The following XKR9 variants were observed in gnomAD, a reference collection of about 807,000 sequenced individuals.
The protein encoded by XKR9 is XK-related protein 9.
A neutral mutation model predicts 32.0 loss-of-function variants in XKR9; 32 were observed. The ratio of observed to expected loss-of-function variants is 1.00; its 90% CI spans 0.76 to 1.34. The LOEUF (loss-of-function observed/expected upper bound fraction) is 1.34. Among genes scored for constraint, XKR9 ranks in the 40% most tolerant of loss-of-function variants. The probability of loss-of-function intolerance (pLI) is 0.00; values close to 1 mark genes in which losing one functional copy is unlikely to be tolerated. For missense variants in XKR9, 546 were observed against 429.7 expected (o/e 1.27, Z -2.39); for synonymous variants, 168 against 143.4 (o/e 1.17, Z -1.22).
At chr8:70,733,025 G>A (rs896620898) in intron 4 of XKR9, among the ~76,000 whole-genome samples, 14 of 152,170 alleles carry the variant, frequency 9.2e-5, no homozygotes, top group African/African-American at 3.4e-4. Context: ...GCTGAGGCAG[G>A]TGAATTGGTT....
the XKR9 span, among the ~76,000 whole-genome samples, chr8:70,835,218 T>G: frequency 3.9e-5 from 6 of 152,208 alleles, no homozygotes; most frequent in African/African-American, 1.2e-4. Flanking sequence ...AAATGACACT[T>G]ATATAGGAAA....
chr8:70,691,899 CT>C (rs1237714819), intron 3 of XKR9, among the ~76,000 whole-genome samples: 1 of 151,952 alleles, frequency 6.6e-6, no homozygotes, highest in Non-Finnish European at 1.5e-5. Flanking sequence ...TATTTGGGCT[CT>C]TTTTTTGGTT....
chr8:70,810,239 C>G, the XKR9 span, among the ~76,000 whole-genome samples: 1 of 152,162 alleles, frequency 6.6e-6, no homozygotes, highest in Non-Finnish European at 1.5e-5. Flanking sequence ...CAAGCAAATG[C>G]TGAGAGATTT....
chr8:70,770,830 G>T (rs1229428660), intron 2 of XKR9, among the ~76,000 whole-genome samples: 1 of 152,200 alleles, frequency 6.6e-6, no homozygotes, highest in Non-Finnish European at 1.5e-5. Flanking sequence ...TCCAGCCTGT[G>T]ATCTTAACTT....
At chr8:70,942,952 C>T in the XKR9 span, among the ~76,000 whole-genome samples, 12 of 152,106 alleles carry the variant, frequency 7.9e-5, no homozygotes, top group Admixed American at 4.6e-4. Flanking sequence ...TTTTAGTAAG[C>T]GTGTGTCTAG....
the XKR9 span, among the ~76,000 whole-genome samples, chr8:70,942,891 A>G: frequency 5.9e-5 from 9 of 151,988 alleles, no homozygotes; most frequent in Admixed American, 1.3e-4. Context: ...TACTTTTTCT[A>G]TTATGTCTTC....
rs940275155 is a variant in XKR9, at chr8:70,733,894, G to A, written c.592G>A (p.Gly198Arg). 5 of 1,612,148 alleles carry A rather than the reference G, an allele frequency of 3.1e-6. No homozygotes were observed. Among genetic ancestry groups the A allele is most frequent in the Non-Finnish European group, 4.2e-6 (5 of 1,179,522 alleles). The change falls in exon 5 of 5, where the codon GGA (glycine) becomes AGA (arginine). Residue 198 changes from glycine (G) to arginine (R), a missense_variant. Gly to Arg is a moderately radical substitution (Grantham distance 125). Coordinates refer to ENST00000408926, the MANE Select transcript of XKR9 (RefSeq NM_001011720.2). ...KSLPDKKLLN[G>R]LCPKITYLFY... ...CTTGCCTGACAAAAAGCTTCTTAAT[G>A]GATTATGTCCCAAAATCACATATCT...
chr8:70,977,142 A>G, the XKR9 span, among the ~76,000 whole-genome samples: 43 of 151,878 alleles, frequency 2.8e-4, no homozygotes, highest in South Asian at 1.5e-3. Flanking sequence ...CAGTCTATCA[A>G]TTTTGTTCTT....
chr8:70,742,205 C>T (rs1806997133), intron 2 of XKR9, among the ~76,000 whole-genome samples: 2 of 152,168 alleles, frequency 1.3e-5, no homozygotes, highest in African/African-American at 4.8e-5. Context: ...CAGATTAAAA[C>T]TGGGCAAAAA....
At chr8:70,951,372 G>C in the XKR9 span, among the ~76,000 whole-genome samples, 2 of 152,242 alleles carry the variant, frequency 1.3e-5, no homozygotes, top group Non-Finnish European at 2.9e-5. Context: ...GTTGTGGGGT[G>C]GGGGACAGGG....
chr8:70,778,993 G>C (rs924659995), intron 2 of XKR9, among the ~76,000 whole-genome samples: 1 of 152,170 alleles, frequency 6.6e-6, no homozygotes, highest in Non-Finnish European at 1.5e-5. Context: ...ATGTTGAATA[G>C]GAGTGGTGAG....
chr8:70,855,503 G>A, the XKR9 span, among the ~76,000 whole-genome samples: 2 of 152,264 alleles, frequency 1.3e-5, no homozygotes, highest in South Asian at 4.2e-4. Context: ...ACGTCTGATT[G>A]GTTTACCTGA....
the XKR9 span, among the ~76,000 whole-genome samples, chr8:70,860,101 TA>T: frequency 2.6e-5 from 4 of 152,154 alleles, no homozygotes; most frequent in African/African-American, 9.7e-5. Context: ...ATGTACTTCA[TA>T]AAAATGCACA....
chr8:70,712,271 T>C (rs1048733046), intron 4 of XKR9, among the ~76,000 whole-genome samples: 10 of 152,116 alleles, frequency 6.6e-5, no homozygotes, highest in Admixed American at 1.3e-4. Context: ...CCTGAAAATA[T>C]CTAAAAATAT....
At chr8:70,769,397 A>G (rs1807422555) in intron 2 of XKR9, among the ~76,000 whole-genome samples, 1 of 151,926 alleles carries the variant, frequency 6.6e-6, no homozygotes, top group African/African-American at 2.4e-5. Context: ...GCCTTGGTGA[A>G]TCTGACAATT....
At chr8:70,705,203 ACTTCAGTAAATATTTCTTGAGCAC>A (rs374934892) in intron 3 of XKR9, among the ~76,000 whole-genome samples, 4,512 of 152,284 alleles carry the variant, frequency 0.03, 89 homozygotes, top group Middle Eastern at 0.048. Flanking sequence ...TTCATTTATT[ACTTCAGTAAATATTTCTTGAGCAC>A]CTATTATGTG....
At chr8:70,718,164 A>C (rs12550503) in intron 4 of XKR9, among the ~76,000 whole-genome samples, 4 of 152,036 alleles carry the variant, frequency 2.6e-5, no homozygotes, top group Non-Finnish European at 4.4e-5. Flanking sequence ...GGAAGTGTCA[A>C]ACTATCCCAC....
chr8:70,788,358 C>T (rs1012552006), intron 2 of XKR9, among the ~76,000 whole-genome samples: 10 of 152,090 alleles, frequency 6.6e-5, no homozygotes, highest in Non-Finnish European at 1.5e-4. Context: ...TGATGTTTTA[C>T]AACATCGTGG....
intron 4 of XKR9, among the ~76,000 whole-genome samples, chr8:70,733,209 T>A (rs1324188392): frequency 1.3e-5 from 2 of 152,172 alleles, no homozygotes; most frequent in Non-Finnish European, 2.9e-5. Context: ...AAGTTGTAAG[T>A]TTTAGAACAT....
Sources: gnomAD v4.1 joint callset for allele counts (sites outside exome capture counted in the v4.1 genomes callset) on GRCh38, gnomAD v4.1.1 for gene constraint, MANE v1.5 for transcripts, NCBI Gene and HGNC (gene_info 2026-07-23, HGNC 2026-07-21) for gene names.